Variants in ZNF652 observed in about 807,000 individuals in gnomAD.
The protein encoded by ZNF652 is zinc finger protein 652.
A neutral mutation model predicts 45.2 loss-of-function variants in ZNF652; 16 were observed. The ratio of observed to expected loss-of-function variants is 0.35; its 90% CI spans 0.24 to 0.54. The LOEUF (loss-of-function observed/expected upper bound fraction) is 0.54, where lower values mean the gene tolerates loss of function less well. Among genes scored for constraint, ZNF652 ranks in the 20% least tolerant of loss-of-function variants. The pLI is 0.91. For synonymous variants in ZNF652, 250 were observed against 260.6 expected (o/e 0.96, Z 0.39); for missense variants, 614 against 765.6 (o/e 0.80, Z 2.34).
intron 1 of ZNF652, among the ~76,000 whole-genome samples, chr17:49,345,617 C>T (rs1473594058): frequency 1.3e-5 from 2 of 149,772 alleles, no homozygotes; most frequent in Non-Finnish European, 3.0e-5. Context: ...TGAGGTGGGC[C>T]GATCACGAGG....
At chr17:49,354,635 AAAAC>A (rs2070316435) in intron 1 of ZNF652, among the ~76,000 whole-genome samples, 1 of 151,936 alleles carries the variant, frequency 6.6e-6, no homozygotes, top group Admixed American at 6.6e-5. Context: ...AAAAAACAAA[AAAAC>A]AAAAAAAACC....
chr17:49,348,364 G>C (rs2070229687), intron 1 of ZNF652, among the ~76,000 whole-genome samples: 1 of 151,642 alleles, frequency 6.6e-6, no homozygotes, highest in African/African-American at 2.4e-5. Flanking sequence ...GTGTGTGTGT[G>C]CCTCCCAGCT....
chr17:49,316,385 A>C (rs554104886), intron 2 of ZNF652, among the ~76,000 whole-genome samples: 83 of 152,264 alleles, frequency 5.5e-4, no homozygotes, highest in Non-Finnish European at 6.8e-4. Context: ...CACCGGTCTG[A>C]GTCATTATGG....
At chr17:49,347,746 T>G (rs1283784174) in intron 1 of ZNF652, among the ~76,000 whole-genome samples, 2 of 141,502 alleles carry the variant, frequency 1.4e-5, no homozygotes, top group Admixed American at 7.0e-5. Context: ...TTTTGTTTTT[T>G]TTTTTTTTTT....
At chr17:49,353,541 G>A (rs752043538) in intron 1 of ZNF652, among the ~76,000 whole-genome samples, 1 of 151,536 alleles carries the variant, frequency 6.6e-6, no homozygotes, top group African/African-American at 2.4e-5. Context: ...ATGTGATTTC[G>A]GCTTACTACA....
chr17:49,356,018 T>C (rs541370542), intron 1 of ZNF652, among the ~76,000 whole-genome samples: 133 of 152,296 alleles, frequency 8.7e-4, no homozygotes, highest in African/African-American at 3.1e-3. Context: ...TGCTCTTAGG[T>C]TGACTTGGGA....
chr17:49,295,500 T>C lies in ZNF652; in HGVS notation c.*2913A>G, dbSNP rs1244635447. On this transcript the variant is annotated 3_prime_UTR_variant, in exon 6 of 6. Transcript: ENST00000430262. ...TTCCTGTATAGCAGATATTTTCTTATGGCTATATTTACTTGAATGAAAAAT... is the reference window on the plus strand; with the variant it reads ...TTCCTGTATAGCAGATATTTTCTTACGGCTATATTTACTTGAATGAAAAAT... 2.0e-5 allele frequency: 3 copies of C among 152,488 alleles called. No homozygotes were observed. Among genetic ancestry groups the C allele is most frequent in the Admixed American group, 6.6e-5 (1 of 15,236 alleles). 9.4% of individuals were successfully genotyped at this position (152,488 alleles called of 1,614,324 possible). A position where few individuals can be genotyped will look rare whatever the true frequency, so the allele number is the denominator to read the frequency against.
intron 1 of ZNF652, among the ~76,000 whole-genome samples, chr17:49,335,972 A>T (rs375071804): frequency 2.6e-5 from 4 of 152,114 alleles, no homozygotes; most frequent in African/African-American, 9.7e-5. Context: ...GCAAAAAAGG[A>T]TGTAGAAGAA....
intron 1 of ZNF652, among the ~76,000 whole-genome samples, chr17:49,329,715 GT>G (rs1261913862): frequency 2.6e-5 from 4 of 152,154 alleles, no homozygotes; most frequent in Admixed American, 6.5e-5. Context: ...TTTCATTGTA[GT>G]TTTTTACACA....
At chr17:49,337,790 G>A (rs1185073603) in intron 1 of ZNF652, among the ~76,000 whole-genome samples, 2 of 152,090 alleles carry the variant, frequency 1.3e-5, no homozygotes, top group Admixed American at 6.5e-5. Context: ...ACTAAGCGCT[G>A]TCTGTCCAAT....
At chr17:49,337,981 C>T (rs1461716118) in intron 1 of ZNF652, among the ~76,000 whole-genome samples, 1 of 152,008 alleles carries the variant, frequency 6.6e-6, no homozygotes, top group South Asian at 2.1e-4. Context: ...GTCATGATTG[C>T]CAAATACAAC....
At chr17:49,315,159 A>T (rs1033920122) in intron 2 of ZNF652, among the ~76,000 whole-genome samples, 20 of 151,180 alleles carry the variant, frequency 1.3e-4, no homozygotes, top group Admixed American at 4.6e-4. Flanking sequence ...CTCCTGCCTC[A>T]GCCTCCTGAG....
intron 1 of ZNF652, among the ~76,000 whole-genome samples, chr17:49,318,782 G>T (rs567258954): frequency 5.9e-5 from 9 of 152,288 alleles, no homozygotes; most frequent in Non-Finnish European, 1.0e-4. Flanking sequence ...CAGAACAAAG[G>T]GGGTAGTGGG....
rs1282259744 is a variant in ZNF652 at position 49,295,330 on chromosome 17, C to G, written c.*3083G>C. The G allele has an allele frequency of 6.6e-6, 1 of 151,276 alleles. No homozygotes were observed. Among genetic ancestry groups the G allele is most frequent in the Non-Finnish European group, 1.5e-5 (1 of 67,868 alleles). 9.4% of individuals were successfully genotyped at this position (151,276 alleles called of 1,614,324 possible). On this transcript the variant is annotated 3_prime_UTR_variant, in exon 6 of 6. Coordinates refer to ENST00000430262, the MANE Select transcript of ZNF652 (RefSeq NM_001145365.3). The stretch of plus-strand genomic sequence containing the variant: ...TCAAGTCAAGGAAAGTATCCTTAAT[C>G]TAGGGGAAAAAAAGGAAGTTTCTAA...
chr17:49,346,575 C>A (rs1302594158), intron 1 of ZNF652, among the ~76,000 whole-genome samples: 1 of 152,044 alleles, frequency 6.6e-6, no homozygotes, highest in Non-Finnish European at 1.5e-5. Flanking sequence ...AACTACTATT[C>A]CTATAGGGCC....
chr17:49,316,518 C>T (rs2069806502), intron 2 of ZNF652, among the ~76,000 whole-genome samples: 1 of 152,180 alleles, frequency 6.6e-6, no homozygotes, highest in African/African-American at 2.4e-5. Context: ...AGAATGAATT[C>T]TATTACACGT....
intron 1 of ZNF652, among the ~76,000 whole-genome samples, chr17:49,327,140 A>G (rs2143836001): frequency 6.6e-6 from 1 of 152,298 alleles, no homozygotes; most frequent in Middle Eastern, 3.4e-3. Context: ...TTTACAGTTT[A>G]CATAAAGCAC....
intron 1 of ZNF652, among the ~76,000 whole-genome samples, chr17:49,334,158 T>C (rs1273403552): frequency 6.6e-6 from 1 of 152,036 alleles, no homozygotes; most frequent in Admixed American, 6.6e-5. Flanking sequence ...AAATATATAA[T>C]CATACAATGG....
chr17:49,334,009 C>T (rs1567693257), intron 1 of ZNF652, among the ~76,000 whole-genome samples: 1 of 152,024 alleles, frequency 6.6e-6, no homozygotes, highest in Non-Finnish European at 1.5e-5. Context: ...TATGACTCAG[C>T]AATTCCAGTT....
Sources: allele counts gnomAD v4.1 joint callset (sites outside exome capture counted in the v4.1 genomes callset), GRCh38; gene constraint gnomAD v4.1.1; transcripts MANE v1.5; gene names NCBI Gene and HGNC (gene_info 2026-07-23, HGNC 2026-07-21).